The following IPPK variants were observed in gnomAD, a reference collection of about 807,000 sequenced individuals.
IPPK encodes inositol-pentakisphosphate 2-kinase, also known as IPK1 homolog.
Under a neutral mutation model 64.6 loss-of-function variants are expected in IPPK, and 22 were observed. That is an observed-to-expected ratio of 0.34 (90% CI 0.24 to 0.49). The LOEUF (loss-of-function observed/expected upper bound fraction) is 0.49, where lower values mean the gene tolerates loss of function less well. Among genes scored for constraint, IPPK ranks in the 20% least tolerant of loss-of-function variants. The pLI, the probability that IPPK is intolerant of heterozygous loss-of-function variation, is 0.99. For missense variants in IPPK, 532 were observed against 630.7 expected (o/e 0.84, Z 1.68); for synonymous variants, 262 against 247.2 (o/e 1.06, Z -0.56).
rs181715193 is a variant in IPPK at position 92,638,165 on chromosome 9, G to A, written c.752C>T (p.Pro251Leu). The change falls in exon 9 of 13, where the codon CCC becomes CTC. Residue 251 changes from proline (P) to leucine (L), a missense_variant. Coordinates refer to ENST00000287996, the MANE Select transcript of IPPK (RefSeq NM_022755.6). ...FFPSNGLASG[P>L]HCTRAVIREL... is the part of the protein sequence containing the mutation. The stretch of plus-strand genomic sequence containing the variant: ...CCTGATCACAGCCCTTGTGCAGTGG[G>A]GCCCACTGGCCAGGCCGTTGGAAGG... 8 of 1,614,264 alleles carry A rather than the reference G, an allele frequency of 5.0e-6. No homozygotes were observed.
rs1056164885 is a variant in IPPK, at chr9:92,669,850, G to A, written c.81+58C>T. 2.4e-6 allele frequency: 3 copies of A among 1,270,328 alleles called. No homozygotes were observed. The African/African-American group carries it at 4.5e-5, about 19-fold the overall frequency. The allele number at this position is 1,270,328 out of a possible 1,614,324, so 78.7% of individuals were successfully genotyped here. A position where few individuals can be genotyped will look rare whatever the true frequency, so the allele number is the denominator to read the frequency against. ...GTTGAGGAAACGGATAATGGGGGCGGGGTGATACCGGCCGTCGGAGTGAGG... is the reference window on the plus strand; with the variant it reads ...GTTGAGGAAACGGATAATGGGGGCGAGGTGATACCGGCCGTCGGAGTGAGG... On this transcript the variant is annotated intron_variant, in intron 1 of 12. Coordinates refer to ENST00000287996, the MANE Select transcript of IPPK (RefSeq NM_022755.6).
chr9:92,662,523 C>CA (rs368530793), intron 1 of IPPK, among the ~76,000 whole-genome samples: 1,796 of 127,116 alleles, frequency 0.014, 8 homozygotes, highest in South Asian at 0.025. Flanking sequence ...AACTCCGTCT[C>CA]AAAAAAAAAA....
intron 1 of IPPK, among the ~76,000 whole-genome samples, chr9:92,661,439 C>T (rs1419163970): frequency 6.6e-6 from 1 of 152,214 alleles, no homozygotes; most frequent in Non-Finnish European, 1.5e-5. Context: ...TGTGCTGCCC[C>T]CCAGGAGAGG....
intron 1 of IPPK, among the ~76,000 whole-genome samples, chr9:92,667,301 G>A (rs1172601552): frequency 1.3e-5 from 2 of 152,148 alleles, no homozygotes; most frequent in Non-Finnish European, 2.9e-5. Context: ...ACAAGACCAC[G>A]GACTCCTCCT....
chr9:92,664,142 G>A (rs946808365), intron 1 of IPPK, among the ~76,000 whole-genome samples: 8 of 152,214 alleles, frequency 5.3e-5, no homozygotes, highest in Admixed American at 2.0e-4. Flanking sequence ...AGGAGGTGCC[G>A]AAGTCCACCT....
At chr9:92,649,304 A>G in intron 5 of IPPK, 149 bp downstream of exon 5, 1 of 850,610 alleles carries the variant, frequency 1.2e-6, no homozygotes. Context: ...GGGCTGTGGA[A>G]GGACAGAAAC....
intron 11 of IPPK, chr9:92,620,174 A>C (rs1425301197): frequency 6.4e-6 from 1 of 156,406 alleles, no homozygotes; most frequent in Non-Finnish European, 1.4e-5. Flanking sequence ...CTTGTCTGTC[A>C]TGCCCTGCTT....
chr9:92,665,526 A>C (rs539642422), intron 1 of IPPK, among the ~76,000 whole-genome samples: 1 of 130,204 alleles, frequency 7.7e-6, no homozygotes, highest in Non-Finnish European at 1.6e-5. Flanking sequence ...CTTTTTAAAA[A>C]TTAATCTTTT....
At chr9:92,618,089 G>A in intron 12 of IPPK, 1 of 372,360 alleles carries the variant, frequency 2.7e-6, no homozygotes, top group Non-Finnish European at 5.3e-6. Context: ...GAGCACCACA[G>A]TTACTGGAAC....
At chr9:92,650,652 G>T (rs1319597500) in intron 4 of IPPK, among the ~76,000 whole-genome samples, 1 of 152,096 alleles carries the variant, frequency 6.6e-6, no homozygotes, top group Non-Finnish European at 1.5e-5. Flanking sequence ...TCCTTTTCCT[G>T]CAATAAAACA....
intron 11 of IPPK, among the ~76,000 whole-genome samples, chr9:92,624,242 G>T (rs1429004462): frequency 6.6e-6 from 1 of 152,190 alleles, no homozygotes; most frequent in African/African-American, 2.4e-5. Context: ...CACTTTGGGA[G>T]GCTCAGGTGG....
intron 3 of IPPK, 108 bp downstream of exon 3, chr9:92,656,348 G>C: frequency 1.4e-6 from 1 of 732,602 alleles, no homozygotes; most frequent in African/African-American, 1.7e-5. Flanking sequence ...TTGGAGACTA[G>C]CTGGACGCGG....
intron 1 of IPPK, 100 bp downstream of exon 1, chr9:92,669,808 G>C (rs1262112967): frequency 1.2e-6 from 1 of 817,198 alleles, no homozygotes; most frequent in East Asian, 2.9e-5. Flanking sequence ...GTACTGGGGG[G>C]ACGTGGAACC....
chr9:92,642,725 G>A, intron 7 of IPPK, 27 bp downstream of exon 7: 2 of 1,604,978 alleles, frequency 1.2e-6, no homozygotes, highest in Non-Finnish European at 1.7e-6. Context: ...CCTGACACAA[G>A]GGGGCAAAGG....
intron 1 of IPPK, among the ~76,000 whole-genome samples, chr9:92,665,289 T>C (rs746540658): frequency 5.9e-5 from 9 of 152,212 alleles, no homozygotes; most frequent in Non-Finnish European, 1.2e-4. Context: ...GCACATGTTA[T>C]ACAGTCAGAA....
intron 1 of IPPK, among the ~76,000 whole-genome samples, chr9:92,659,850 C>G (rs1298568076): frequency 6.6e-6 from 1 of 152,146 alleles, no homozygotes; most frequent in Admixed American, 6.5e-5. Flanking sequence ...CTGGGCCCCT[C>G]TGACTGAGCT....
chr9:92,656,277 C>T (rs1852370674), intron 3 of IPPK, among the ~76,000 whole-genome samples, 179 bp downstream of exon 3: 1 of 152,144 alleles, frequency 6.6e-6, no homozygotes, highest in South Asian at 2.1e-4. Flanking sequence ...TGCTTCTCAG[C>T]TAGGAAAGAG....
rs552005277 is a variant in IPPK, at chr9:92,651,197, C to T, written c.292+1376G>A. On this transcript the variant is annotated intron_variant, in intron 4 of 12. Transcript: ENST00000287996. ...GACTGCAGACCCAGAGAATGGTTTG[C>T]TTTCATTTTCCAAATCAAATCAGGA... Among the ~76,000 whole-genome samples the T allele has an allele frequency of 1.8e-4, 27 of 152,266 alleles. 1 individual carries two copies. The East Asian group carries it at 5.0e-3, about 28-fold the overall frequency.
chr9:92,638,156 G>A lies in IPPK; in HGVS notation c.761C>T (p.Thr254Ile), dbSNP rs1321199438. 1.9e-6 allele frequency: 3 copies of A among 1,614,130 alleles called. No homozygotes were observed. The highest frequency in any genetic ancestry group is 2.5e-6 in the Non-Finnish European group (3 of 1,180,056). ...CACCAGCTCCCTGATCACAGCCCTT[G>A]TGCAGTGGGGCCCACTGGCCAGGCC... Reference protein sequence around the residue: ...SNGLASGPHCTRAVIRELVHV... With the variant: ...SNGLASGPHCIRAVIRELVHV... Residue 254 changes from threonine to isoleucine, a missense_variant, in exon 9 of 13, where the codon ACA becomes ATA. Transcript: ENST00000287996.
Sources: gnomAD v4.1 joint callset for allele counts (sites outside exome capture counted in the v4.1 genomes callset) on GRCh38, gnomAD v4.1.1 for gene constraint, MANE v1.5 for transcripts, NCBI Gene and HGNC (gene_info 2026-07-23, HGNC 2026-07-21) for gene names.